The following CCDC50 variants were observed in gnomAD, a reference collection of about 807,000 sequenced individuals.
CCDC50 encodes the protein coiled-coil domain-containing protein 50.
CCDC50 carries 54 observed loss-of-function variants against 70.2 expected under a neutral mutation model. The observed-to-expected ratio is 0.77, with a 90% CI of 0.62 to 0.96. The LOEUF is 0.96. CCDC50 is among the 50% of genes least tolerant of loss of function. CCDC50 has a pLI of 0.00. For missense variants in CCDC50, 558 were observed against 578.7 expected (o/e 0.96, Z 0.37); for synonymous variants, 216 against 198.8 (o/e 1.09, Z -0.73).
intron 1 of CCDC50, among the ~76,000 whole-genome samples, chr3:191,348,422 C>T (rs1031611498): frequency 1.4e-5 from 2 of 142,364 alleles, no homozygotes. Flanking sequence ...TGCTTGGTTC[C>T]TTAGTCATCT....
At chr3:191,333,637 A>G (rs1343313504) in intron 1 of CCDC50, among the ~76,000 whole-genome samples, 1 of 152,162 alleles carries the variant, frequency 6.6e-6, no homozygotes, top group African/African-American at 2.4e-5. Flanking sequence ...ATTTGGATGA[A>G]TGTCTTTTAT....
chr3:191,356,794 A>G (rs972075768), intron 1 of CCDC50, among the ~76,000 whole-genome samples: 19 of 152,278 alleles, frequency 1.2e-4, no homozygotes, highest in African/African-American at 3.6e-4. Flanking sequence ...GTGGATTGGA[A>G]TTTCTAGACC....
chr3:191,359,207 C>A (rs537544822), intron 3 of CCDC50, among the ~76,000 whole-genome samples: 1 of 152,080 alleles, frequency 6.6e-6, no homozygotes, highest in South Asian at 2.1e-4. Flanking sequence ...CTTCACAAGA[C>A]GATGTGTTTA....
Position 191,393,690 on chromosome 3 carries a change from A to G in CCDC50, c.*1930A>G, listed in dbSNP as rs1412231505. 3 of 151,968 alleles carry G rather than the reference A, an allele frequency of 2.0e-5. No individual in the cohort carries two copies. Among genetic ancestry groups the G allele is most frequent in the Non-Finnish European group, 4.4e-5 (3 of 67,994 alleles). The allele number at this position is 151,968 out of a possible 1,614,324, so 9.4% of individuals were successfully genotyped here. On this transcript the variant is annotated 3_prime_UTR_variant, in exon 12 of 12. Transcript: ENST00000392455. ...GCTGTGATAAAATGGGTAAAGAAAA[A>G]CCTCCATTTAAATAAGGAAGGGGAG...
rs1221776128 is a variant in CCDC50, at chr3:191,381,550, CT to C, written c.1242+621del. On this transcript the variant is annotated intron_variant, in intron 9 of 11. Transcript: ENST00000392455. ...TAATTGTGAGTTCCAGCTTAGCAGA[CT>C]TTATTCATCAGTGACAGCGCGTAAG... Among the ~76,000 whole-genome samples, 4 of 152,230 alleles carry C rather than the reference CT, an allele frequency of 2.6e-5. No homozygotes were observed. The East Asian group carries it at 7.7e-4, about 29-fold the overall frequency.
intron 11 of CCDC50, among the ~76,000 whole-genome samples, chr3:191,390,109 C>G (rs1713635681): frequency 6.6e-6 from 1 of 152,058 alleles, no homozygotes. Flanking sequence ...CTCTGCCTCC[C>G]AAAGTGCTGG....
intron 11 of CCDC50, among the ~76,000 whole-genome samples, chr3:191,391,252 C>T (rs1025771361): frequency 1.3e-5 from 2 of 152,130 alleles, no homozygotes; most frequent in Non-Finnish European, 2.9e-5. Context: ...TTTAAAAATA[C>T]CATCGCAAAA....
chr3:191,348,433 G>A (rs536360018), intron 1 of CCDC50, among the ~76,000 whole-genome samples: 1 of 142,742 alleles, frequency 7.0e-6, no homozygotes, highest in Admixed American at 7.2e-5. Flanking sequence ...TTAGTCATCT[G>A]TATAAGGTGT....
chr3:191,359,691 A>G (rs553739754), intron 3 of CCDC50, among the ~76,000 whole-genome samples: 14 of 152,130 alleles, frequency 9.2e-5, no homozygotes, highest in Non-Finnish European at 1.8e-4. Flanking sequence ...ATGGAGATGT[A>G]AAGAGGAGGA....
At chr3:191,330,126 C>G (rs1432136965) in intron 1 of CCDC50, among the ~76,000 whole-genome samples, 1 of 152,076 alleles carries the variant, frequency 6.6e-6, no homozygotes, top group African/African-American at 2.4e-5. Flanking sequence ...CATTCAGTTC[C>G]GTGTGGAGCC....
At chr3:191,354,075 G>T (rs1712193503) in intron 1 of CCDC50, among the ~76,000 whole-genome samples, 1 of 152,096 alleles carries the variant, frequency 6.6e-6, no homozygotes, top group African/African-American at 2.4e-5. Flanking sequence ...TCATGTTCAT[G>T]GTTTAGCAAT....
At chr3:191,386,216 A>T (rs1276363728) in intron 10 of CCDC50, among the ~76,000 whole-genome samples, 18 of 125,730 alleles carry the variant, frequency 1.4e-4, no homozygotes, top group African/African-American at 3.7e-4. Flanking sequence ...TAGTATGGGC[A>T]TTTTTTTTTT....
At chr3:191,356,300 A>C (rs1320431903) in intron 1 of CCDC50, among the ~76,000 whole-genome samples, 2 of 151,898 alleles carry the variant, frequency 1.3e-5, no homozygotes, top group African/African-American at 4.9e-5. Context: ...GTTTACCCCA[A>C]ACCATTTCTT....
chr3:191,345,732 G>A (rs1163514472), intron 1 of CCDC50, among the ~76,000 whole-genome samples: 1 of 151,740 alleles, frequency 6.6e-6, no homozygotes, highest in Admixed American at 6.6e-5. Context: ...TTGAATTTAG[G>A]GGATTAGAAA....
intron 3 of CCDC50, among the ~76,000 whole-genome samples, chr3:191,358,678 C>T (rs1379172011): frequency 2.0e-5 from 3 of 152,124 alleles, no homozygotes; most frequent in African/African-American, 4.8e-5. Flanking sequence ...CACAGATAAA[C>T]GGAAATGATT....
At chr3:191,370,169 TGTG>T in intron 5 of CCDC50, 133 bp downstream of exon 5, 2 of 713,940 alleles carry the variant, frequency 2.8e-6, no homozygotes, top group East Asian at 5.1e-5. Flanking sequence ...TACATTTAGA[TGTG>T]TGGCAGGATT....
chr3:191,373,917 A>G (rs1199250434), intron 5 of CCDC50, among the ~76,000 whole-genome samples: 2 of 152,180 alleles, frequency 1.3e-5, no homozygotes, highest in Non-Finnish European at 2.9e-5. Context: ...TTCCTTTAAC[A>G]GATTAATATC....
intron 1 of CCDC50, among the ~76,000 whole-genome samples, chr3:191,347,122 G>C (rs1217862706): frequency 7.0e-6 from 1 of 141,964 alleles, no homozygotes; most frequent in Non-Finnish European, 1.6e-5. Context: ...AACTTTTTGT[G>C]AAAAAGGCAG....
At chr3:191,342,068 G>A (rs1234011594) in intron 1 of CCDC50, among the ~76,000 whole-genome samples, 1 of 152,156 alleles carries the variant, frequency 6.6e-6, no homozygotes, top group Non-Finnish European at 1.5e-5. Context: ...CACATTTTTA[G>A]TCAGTGAACA....
Sources: gnomAD v4.1 joint callset for allele counts (sites outside exome capture counted in the v4.1 genomes callset) on GRCh38, gnomAD v4.1.1 for gene constraint, MANE v1.5 for transcripts, NCBI Gene and HGNC (gene_info 2026-07-23, HGNC 2026-07-21) for gene names.